The following PIK3AP1 variants were observed in gnomAD, a reference collection of about 807,000 sequenced individuals.
PIK3AP1 encodes phosphoinositide-3-kinase adaptor protein 1.
A neutral mutation model predicts 88.1 loss-of-function variants in PIK3AP1; 21 were observed. The ratio of observed to expected loss-of-function variants is 0.24; its 90% CI spans 0.17 to 0.34. The LOEUF is 0.34. Ranked by LOEUF, PIK3AP1 falls within the 10% of genes least tolerant of loss-of-function variation. The probability of loss-of-function intolerance (pLI) is 1.00; values close to 1 mark genes in which losing one functional copy is unlikely to be tolerated. For missense variants in PIK3AP1, 828 were observed against 1,035.7 expected (o/e 0.80, Z 2.75); for synonymous variants, 398 against 400.0 (o/e 1.00, Z 0.06).
chr10:96,693,693 C>T (rs1357540612), intron 2 of PIK3AP1, among the ~76,000 whole-genome samples: 1 of 152,122 alleles, frequency 6.6e-6, no homozygotes, highest in Non-Finnish European at 1.5e-5. Flanking sequence ...AATACATATC[C>T]CTTTATCCTG....
chr10:96,638,997 A>C (rs1843350677), intron 8 of PIK3AP1, among the ~76,000 whole-genome samples: 1 of 152,256 alleles, frequency 6.6e-6, no homozygotes. Context: ...ACAAATGAAC[A>C]CATGAATATG....
chr10:96,703,127 C>T (rs573738451), intron 2 of PIK3AP1, among the ~76,000 whole-genome samples: 27 of 152,314 alleles, frequency 1.8e-4, no homozygotes, highest in African/African-American at 5.5e-4. Flanking sequence ...ATCTGTTCCC[C>T]GCAGTCTCCC....
In PIK3AP1 at chr10:96,663,627, C is replaced by CAAAA. The variant is rs373081849; in HGVS notation, c.431-6697_431-6694dup. ...CCTGGGCAACAGAGTGAGACTCCGT[C>CAAAA]AAAAAAAAAAAAAAAAAAAAAAAAA... On this transcript the variant is annotated intron_variant, in intron 2 of 16. Transcript: ENST00000339364. Among the ~76,000 whole-genome samples the CAAAA allele has an allele frequency of 1.1e-3, 49 of 42,986 alleles. 3 individuals carry two copies. The highest frequency in any genetic ancestry group is 4.3e-3 in the South Asian group (4 of 928). 28.2% of individuals were successfully genotyped at this position (42,986 alleles called of 152,430 possible).
At chr10:96,609,402 A>G (rs999919006) in intron 14 of PIK3AP1, among the ~76,000 whole-genome samples, 1 of 152,250 alleles carries the variant, frequency 6.6e-6, no homozygotes, top group African/African-American at 2.4e-5. Flanking sequence ...AGCTTCAGTG[A>G]GAATTAAATT....
At chr10:96,676,265 C>G (rs1843917547) in intron 2 of PIK3AP1, among the ~76,000 whole-genome samples, 1 of 151,894 alleles carries the variant, frequency 6.6e-6, no homozygotes, top group Non-Finnish European at 1.5e-5. Flanking sequence ...ATTGTAAGCA[C>G]CTATCTCAGG....
At chr10:96,675,561 T>C (rs1214399501) in intron 2 of PIK3AP1, among the ~76,000 whole-genome samples, 2 of 152,184 alleles carry the variant, frequency 1.3e-5, no homozygotes, top group Non-Finnish European at 2.9e-5. Context: ...AGGCATATTC[T>C]CATGGCCACC....
Position 96,648,667 on chromosome 10 carries a change from C to T in PIK3AP1, c.1177G>A (p.Glu393Lys), listed in dbSNP as rs766343558. The change falls in exon 7 of 17, where the codon GAG becomes AAG. Residue 393 changes from glutamate to lysine, a missense_variant. This residue lies in a region of PIK3AP1 where 610 missense variants were observed against 760.1 expected (regional missense o/e 0.80). Transcript: ENST00000339364. The part of the protein sequence containing the change: ...GFRDLRQFID[E>K]YVETVDMLKS... ...TCCTGCCTTGACCTTACCACATACT[C>T]GTCGATGAACTGCCGCAGGTCCCTG... is the stretch of plus-strand genomic sequence containing the variant. The T allele has an allele frequency of 2.4e-5, 38 of 1,607,582 alleles. No individual in the cohort carries two copies. The highest frequency in any genetic ancestry group is 3.2e-5 in the Non-Finnish European group (38 of 1,177,536).
chr10:96,681,500 C>G (rs1375045634), intron 2 of PIK3AP1, among the ~76,000 whole-genome samples: 1 of 152,114 alleles, frequency 6.6e-6, no homozygotes, highest in African/African-American at 2.4e-5. Context: ...CAATTATTCT[C>G]TCATATTATG....
chr10:96,645,896 C>T (rs780377603), intron 7 of PIK3AP1, among the ~76,000 whole-genome samples: 2 of 152,172 alleles, frequency 1.3e-5, no homozygotes, highest in Non-Finnish European at 2.9e-5. Context: ...TCCTACAACA[C>T]TAAGCACAGA....
At chr10:96,598,044 GT>G (rs34971365) in intron 16 of PIK3AP1, among the ~76,000 whole-genome samples, 61,669 of 115,488 alleles carry the variant, frequency 0.53, 15,319 homozygotes, top group East Asian at 0.75. Context: ...TTTTTTTGTT[GT>G]TTTTTTTTTT....
chr10:96,702,760 T>A (rs1302014855), intron 2 of PIK3AP1, among the ~76,000 whole-genome samples: 1 of 152,256 alleles, frequency 6.6e-6, no homozygotes, highest in African/African-American at 2.4e-5. Context: ...ATACAATTTT[T>A]ATTTGTCAAG....
intron 2 of PIK3AP1, among the ~76,000 whole-genome samples, chr10:96,700,125 C>G (rs897773392): frequency 6.6e-6 from 1 of 152,200 alleles, no homozygotes; most frequent in Non-Finnish European, 1.5e-5. Flanking sequence ...TCGTGACTCC[C>G]TTTTCCCCGT....
At chr10:96,714,170 G>A (rs775266215) in intron 1 of PIK3AP1, among the ~76,000 whole-genome samples, 9 of 149,904 alleles carry the variant, frequency 6.0e-5, no homozygotes, top group South Asian at 4.2e-4. Context: ...GCGAAACTCC[G>A]TCTCAAAAAA....
At chr10:96,643,425 T>C (rs1399882009) in intron 8 of PIK3AP1, among the ~76,000 whole-genome samples, 2 of 152,112 alleles carry the variant, frequency 1.3e-5, no homozygotes, top group Non-Finnish European at 2.9e-5. Context: ...AAAAGCATCT[T>C]AGTGGGGTAG....
chr10:96,661,982 A>G (rs1483559180), intron 2 of PIK3AP1, among the ~76,000 whole-genome samples: 2 of 152,252 alleles, frequency 1.3e-5, no homozygotes, highest in East Asian at 3.8e-4. Context: ...AATTTTAAAA[A>G]TTAAAAAGAA....
At position 96,680,388 on chromosome 10, in the gene PIK3AP1, C is replaced by T. The variant is rs188259713; in HGVS notation, c.431-23454G>A. Among the ~76,000 whole-genome samples the T allele has an allele frequency of 3.9e-3, 599 of 151,916 alleles. 3 individuals are homozygous for T. Among genetic ancestry groups the T allele is most frequent in the African/African-American group, 0.014 (576 of 41,418 alleles). On this transcript the variant is annotated intron_variant, in intron 2 of 16. Transcript: ENST00000339364. ...ATGGATGTCATGAGGGTTTGTTGTA[C>T]AGATTATTTTGTCATCCAGGTACTA...
At chr10:96,699,422 T>C (rs1165901273) in intron 2 of PIK3AP1, among the ~76,000 whole-genome samples, 2 of 152,254 alleles carry the variant, frequency 1.3e-5, no homozygotes, top group East Asian at 1.9e-4. Flanking sequence ...ATATTTTAGA[T>C]ATATTATTAC....
At chr10:96,686,365 C>CCT (rs1177754801) in intron 2 of PIK3AP1, among the ~76,000 whole-genome samples, 1 of 152,116 alleles carries the variant, frequency 6.6e-6, no homozygotes, top group East Asian at 1.9e-4. Flanking sequence ...GGGCCCTGCT[C>CCT]CTACTGGATT....
At chr10:96,596,186 C>T (rs748400149) in intron 16 of PIK3AP1, among the ~76,000 whole-genome samples, 1 of 152,226 alleles carries the variant, frequency 6.6e-6, no homozygotes, top group Admixed American at 6.5e-5. Flanking sequence ...TTGCCCTTAT[C>T]ACCCTAGGGC....
Sources: gnomAD v4.1 joint callset for allele counts (sites outside exome capture counted in the v4.1 genomes callset) on GRCh38, gnomAD v4.1.1 for gene constraint, gnomAD v4.1.1 regional missense constraint, MANE v1.5 for transcripts, NCBI Gene and HGNC (gene_info 2026-07-23, HGNC 2026-07-21) for gene names.